Variants in SUGCT observed in about 807,000 individuals in gnomAD.
The protein encoded by SUGCT is succinyl-CoA:glutarate-CoA transferase.
A neutral mutation model predicts 55.0 loss-of-function variants in SUGCT; 41 were observed. That is an observed-to-expected ratio of 0.74 (90% confidence interval 0.58 to 0.97). The LOEUF is 0.97. Among genes scored for constraint, SUGCT ranks in the 50% least tolerant of loss-of-function variants. The pLI is 0.00. For synonymous variants in SUGCT, 187 were observed against 200.4 expected, an observed-to-expected ratio of 0.93 and a Z score of 0.56; for missense variants, 568 against 547.8, an observed-to-expected ratio of 1.04 and a Z score of -0.37.
intron 12 of SUGCT, among the ~76,000 whole-genome samples, chr7:40,594,640 A>G (rs993927039): frequency 6.6e-6 from 1 of 152,214 alleles, no homozygotes; most frequent in African/African-American, 2.4e-5. Context: ...AACTTCTTCC[A>G]GGATTATGCA....
At chr7:40,749,091 G>C (rs1787879988) in intron 12 of SUGCT, among the ~76,000 whole-genome samples, 1 of 152,160 alleles carries the variant, frequency 6.6e-6, no homozygotes, top group Non-Finnish European at 1.5e-5. Flanking sequence ...ATAAGGTTAT[G>C]CAGGAAAAGG....
chr7:40,791,628 T>A (rs1055456218), intron 13 of SUGCT, among the ~76,000 whole-genome samples: 3 of 152,166 alleles, frequency 2.0e-5, no homozygotes, highest in African/African-American at 7.2e-5. Flanking sequence ...ATAGGTCCCA[T>A]GTAAACAAAT....
At chr7:40,799,284 T>A (rs922205248) in intron 13 of SUGCT, among the ~76,000 whole-genome samples, 1 of 152,244 alleles carries the variant, frequency 6.6e-6, no homozygotes, top group African/African-American at 2.4e-5. Flanking sequence ...CTTTTTCTTT[T>A]TTAACTAACA....
chr7:40,928,926 C>A, the SUGCT span, among the ~76,000 whole-genome samples: 1 of 151,890 alleles, frequency 6.6e-6, no homozygotes, highest in Non-Finnish European at 1.5e-5. Flanking sequence ...TTTTCTTTTT[C>A]TTTCTTTCTT....
chr7:40,535,901 G>A (rs1019530680), intron 12 of SUGCT, among the ~76,000 whole-genome samples: 1 of 152,036 alleles, frequency 6.6e-6, no homozygotes, highest in Non-Finnish European at 1.5e-5. Flanking sequence ...TTTTGATTTG[G>A]CATTTCTCTG....
intron 6 of SUGCT, among the ~76,000 whole-genome samples, chr7:40,219,078 A>G (rs1440908525): frequency 2.6e-5 from 4 of 152,204 alleles, no homozygotes; most frequent in Non-Finnish European, 5.9e-5. Flanking sequence ...TCCTGAAGCC[A>G]GCGAGACCAT....
chr7:40,949,264 T>C, the SUGCT span, among the ~76,000 whole-genome samples: 7,957 of 152,306 alleles, frequency 0.052, 212 homozygotes, highest in South Asian at 0.074. Context: ...TTTTGAGAAG[T>C]GTCTGTTCAT....
Position 40,237,662 on chromosome 7 carries a change from A to G in SUGCT, c.512A>G (p.Gln171Arg), listed in dbSNP as rs997953702. 1 of 1,613,628 alleles carries G rather than the reference A, an allele frequency of 6.2e-7. No homozygotes were observed. Among genetic ancestry groups the G allele is most frequent in the African/African-American group, 1.3e-5 (1 of 74,904 alleles). The change falls in exon 7 of 14, where the codon CAG (glutamine) becomes CGG (arginine). Residue 171 changes from glutamine (Q) to arginine (R), a missense_variant. By Grantham distance (43) the Gln-to-Arg change is conservative. Transcript: ENST00000335693. ...TGYGQTGPIS[Q>R]RAGYDAVASA... ...TATGGTCAGACAGGTCCAATTTCTC[A>G]GCGAGCTGGTTATGATGCTGTTGCC...
intron 9 of SUGCT, among the ~76,000 whole-genome samples, chr7:40,438,560 A>G (rs1431794484): frequency 6.6e-6 from 1 of 152,136 alleles, no homozygotes; most frequent in Non-Finnish European, 1.5e-5. Context: ...CTTCGGGAGT[A>G]ATACAATCTG....
intron 9 of SUGCT, among the ~76,000 whole-genome samples, chr7:40,406,401 G>T (rs955571526): frequency 6.6e-6 from 1 of 152,130 alleles, no homozygotes; most frequent in African/African-American, 2.4e-5. Context: ...AGGCAGTGTG[G>T]TCCCCAAGCA....
the SUGCT span, among the ~76,000 whole-genome samples, chr7:40,869,978 A>T: frequency 6.6e-6 from 1 of 152,158 alleles, no homozygotes; most frequent in South Asian, 2.1e-4. Flanking sequence ...TTGATCCTTT[A>T]GTTAAGGCGG....
intron 13 of SUGCT, among the ~76,000 whole-genome samples, chr7:40,817,759 T>G (rs117613285): frequency 1.1e-3 from 174 of 152,184 alleles, no homozygotes; most frequent in South Asian, 2.7e-3. Context: ...AGAACCATTT[T>G]TAAGGGTTGA....
At chr7:40,626,211 G>A (rs73122194) in intron 12 of SUGCT, among the ~76,000 whole-genome samples, 14,071 of 151,836 alleles carry the variant, frequency 0.093, 765 homozygotes, top group Middle Eastern at 0.17. Flanking sequence ...CAGACTCTGT[G>A]TTATTTTCCT....
chr7:40,207,480 G>T (rs1787039129), intron 6 of SUGCT, among the ~76,000 whole-genome samples: 1 of 152,092 alleles, frequency 6.6e-6, no homozygotes. Flanking sequence ...AATGTAAAAT[G>T]GTTCAGCCCC....
At chr7:40,396,125 C>G (rs1350134430) in intron 9 of SUGCT, among the ~76,000 whole-genome samples, 1 of 151,982 alleles carries the variant, frequency 6.6e-6, no homozygotes, top group East Asian at 1.9e-4. Flanking sequence ...AAAGAAGTGT[C>G]CCCCATTTTT....
chr7:40,147,213 G>C (rs914719325), intron 1 of SUGCT, among the ~76,000 whole-genome samples: 2 of 152,092 alleles, frequency 1.3e-5, no homozygotes, highest in African/African-American at 4.8e-5. Context: ...CTTCCCTAGA[G>C]AAGAAAGGAA....
At chr7:40,181,638 C>T (rs1296425229) in intron 2 of SUGCT, among the ~76,000 whole-genome samples, 2 of 151,202 alleles carry the variant, frequency 1.3e-5, no homozygotes, top group South Asian at 2.1e-4. Flanking sequence ...CCCATCTACT[C>T]GGGAGGCTGA....
intron 12 of SUGCT, among the ~76,000 whole-genome samples, chr7:40,730,071 G>A (rs1356841270): frequency 2.6e-5 from 4 of 152,114 alleles, no homozygotes; most frequent in East Asian, 1.9e-4. Flanking sequence ...GGGGAATGAC[G>A]TGGTTGGATT....
the SUGCT span, among the ~76,000 whole-genome samples, chr7:40,939,668 T>G: frequency 6.6e-6 from 1 of 152,182 alleles, no homozygotes; most frequent in East Asian, 1.9e-4. Context: ...ATATGTTTGT[T>G]GGCCATTTGT....
Sources: gnomAD v4.1 joint callset for allele counts (sites outside exome capture counted in the v4.1 genomes callset) on GRCh38, gnomAD v4.1.1 for gene constraint, MANE v1.5 for transcripts, NCBI Gene and HGNC (gene_info 2026-07-23, HGNC 2026-07-21) for gene names.